Variants in ATP6V1D observed in about 807,000 individuals in gnomAD.
The protein encoded by ATP6V1D is V-type proton ATPase subunit D.
A neutral mutation model predicts 39.4 loss-of-function variants in ATP6V1D; 20 were observed. The observed-to-expected ratio is 0.51, with a 90% CI of 0.36 to 0.74. The LOEUF is 0.74. Ranked by LOEUF, ATP6V1D falls within the 30% of genes least tolerant of loss-of-function variation. The probability of loss-of-function intolerance (pLI) is 0.00; values close to 1 mark genes in which losing one functional copy is unlikely to be tolerated. For missense variants in ATP6V1D, 228 were observed against 291.6 expected, an observed-to-expected ratio of 0.78 and a Z score of 1.59; for synonymous variants, 100 against 100.5, an observed-to-expected ratio of 0.99 and a Z score of 0.03.
chr14:67,338,652 T>A lies in ATP6V1D; in HGVS notation c.713A>T (p.Glu238Val). The A allele has an allele frequency of 6.2e-7, 1 of 1,614,144 alleles. No homozygotes were observed. Among genetic ancestry groups the A allele is most frequent in the Non-Finnish European group, 8.5e-7 (1 of 1,179,990 alleles). ...AAATAGAAGATCCTCGTCCTTCTCT[T>A]CAGCCAGAAGATTAGCAGGCTCCAA... is the stretch of plus-strand genomic sequence containing the variant. ...EVLEPANLLA[E>V]EKDEDLLFE The change falls in exon 9 of 9, where the codon GAA becomes GTA. Residue 238 changes from glutamate to valine, a missense_variant. Physicochemically the swap from Glu to Val is moderately radical, Grantham distance 121. Coordinates refer to ENST00000216442, the MANE Select transcript of ATP6V1D (RefSeq NM_015994.4).
chr14:67,345,429 T>G (rs1455279266), intron 6 of ATP6V1D, among the ~76,000 whole-genome samples: 1 of 151,470 alleles, frequency 6.6e-6, no homozygotes, highest in Admixed American at 6.6e-5. Flanking sequence ...TGGTGGCACA[T>G]GTCTGTAATC....
Position 67,338,482 on chromosome 14 carries a change from T to C in ATP6V1D, c.*139A>G, listed in dbSNP as rs2085556151. 1.1e-6 allele frequency: 1 copy of C among 928,794 alleles called. No individual in the cohort carries two copies. The highest frequency in any genetic ancestry group is 1.6e-6 in the Non-Finnish European group (1 of 624,220). 57.5% of individuals were successfully genotyped at this position (928,794 alleles called of 1,614,324 possible). ...TTATGATTCTGCAAAAGTAATCCCA[T>C]AAATAGACATCTAGGTAAATTTTAC... On this transcript the variant is annotated 3_prime_UTR_variant, in exon 9 of 9. Transcript: ENST00000216442.
intron 1 of ATP6V1D, among the ~76,000 whole-genome samples, chr14:67,356,169 C>G (rs1213106842): frequency 6.6e-6 from 1 of 151,980 alleles, no homozygotes; most frequent in African/African-American, 2.4e-5. Context: ...CCTGTAATAC[C>G]AACACTTTGG....
rs546819501 is a variant in ATP6V1D at position 67,350,673 on chromosome 14, G to A, written c.177C>T (p.Gly59=). 8 of 1,613,042 alleles carry A rather than the reference G, an allele frequency of 5.0e-6. No homozygotes were observed. The highest frequency in any genetic ancestry group is 2.2e-5 in the South Asian group (2 of 90,968). The change falls in exon 3 of 9, where the codon GGC becomes GGT. Residue 59 remains glycine, a synonymous_variant. Coordinates refer to ENST00000216442, the MANE Select transcript of ATP6V1D (RefSeq NM_015994.4). ...AAAAGGCAGCTTCTCTCATCACTTC[G>A]CCCATCAACATTTTAGTCTGGAAAA... ...KKIIETKMLM[G]EVMREAAFSL...
At chr14:67,356,434 C>CAAAAAA (rs11323157) in intron 1 of ATP6V1D, among the ~76,000 whole-genome samples, 5 of 129,776 alleles carry the variant, frequency 3.9e-5, no homozygotes, top group East Asian at 2.1e-4. Context: ...AAAACAAAAA[C>CAAAAAA]AAAAAAAAAA....
At chr14:67,350,767 A>C (rs1209133031) in intron 2 of ATP6V1D, 77 bp from the exon 3 acceptor site, 1 of 1,343,368 alleles carries the variant, frequency 7.4e-7, no homozygotes, top group East Asian at 2.4e-5. Context: ...ATGTTCCTTT[A>C]ATAACCATCA....
intron 1 of ATP6V1D, among the ~76,000 whole-genome samples, chr14:67,359,344 T>C (rs577488789): frequency 6.6e-6 from 1 of 152,298 alleles, no homozygotes; most frequent in African/African-American, 2.4e-5. Context: ...GTTATATAAA[T>C]CCAGTGCCCG....
intron 1 of ATP6V1D, 108 bp downstream of exon 1, chr14:67,359,550 C>T: frequency 7.8e-7 from 1 of 1,287,610 alleles, no homozygotes; most frequent in Admixed American, 2.0e-5. Context: ...GGGAAAAGCT[C>T]AGGATCCTCC....
chr14:67,358,441 A>C (rs1215859094), intron 1 of ATP6V1D, among the ~76,000 whole-genome samples: 3 of 152,242 alleles, frequency 2.0e-5, no homozygotes, highest in Non-Finnish European at 4.4e-5. Context: ...CTCAAAGGAC[A>C]GAATGAGGAA....
intron 7 of ATP6V1D, among the ~76,000 whole-genome samples, chr14:67,342,213 TAAAATAAAA>T (rs2085589775): frequency 8.3e-6 from 1 of 119,834 alleles, no homozygotes; most frequent in South Asian, 2.4e-4. Context: ...AATAAATAAA[TAAAATAAAA>T]TAAAAAAAAA....
At chr14:67,348,224 G>A (rs758332482) in intron 4 of ATP6V1D, among the ~76,000 whole-genome samples, 6 of 151,992 alleles carry the variant, frequency 3.9e-5, no homozygotes, top group Admixed American at 3.3e-4. Context: ...ACAGGCATGC[G>A]CTACCACGTC....
rs902575451 is a variant in ATP6V1D, at chr14:67,353,105, C to T, written c.42-65G>A. On this transcript the variant is annotated intron_variant, in intron 1 of 8. Transcript: ENST00000216442. Reference sequence around the variant, plus strand: ...TGTTTAAAAGACAAAAAAAACCCTCCCCACCAGTGTTAAAATTATCCTTTA... The same window carrying T: ...TGTTTAAAAGACAAAAAAAACCCTCTCCACCAGTGTTAAAATTATCCTTTA... 1.0e-4 allele frequency: 128 copies of T among 1,236,620 alleles called. No individual in the cohort carries two copies. In the African/African-American group the frequency reaches 1.7e-3, roughly 17 times the overall value. The allele number at this position is 1,236,620 out of a possible 1,614,324, so 76.6% of individuals were successfully genotyped here. A position where few individuals can be genotyped will look rare whatever the true frequency, so the allele number is the denominator to read the frequency against.
chr14:67,350,167 A>G (rs1253146993), intron 3 of ATP6V1D, among the ~76,000 whole-genome samples: 1 of 152,238 alleles, frequency 6.6e-6, no homozygotes, highest in Non-Finnish European at 1.5e-5. Flanking sequence ...CATGCCTTTT[A>G]AATAATCCAA....
intron 3 of ATP6V1D, among the ~76,000 whole-genome samples, chr14:67,349,690 A>G (rs890296736): frequency 6.6e-6 from 1 of 152,184 alleles, no homozygotes; most frequent in African/African-American, 2.4e-5. Context: ...CCAGTCTCAT[A>G]ACCCAATCTC....
At chr14:67,350,162 C>T (rs573252023) in intron 3 of ATP6V1D, among the ~76,000 whole-genome samples, 4 of 152,142 alleles carry the variant, frequency 2.6e-5, no homozygotes, top group Non-Finnish European at 5.9e-5. Context: ...AAGTTCATGC[C>T]TTTTAAATAA....
In ATP6V1D at chr14:67,340,493, A is replaced by G. The variant is rs750560569; in HGVS notation, c.549T>C (p.Thr183=). The G allele has an allele frequency of 6.2e-7, 1 of 1,613,238 alleles. No individual in the cohort carries two copies. Among genetic ancestry groups the G allele is most frequent in the Admixed American group, 1.7e-5 (1 of 59,972 alleles). Residue 183 remains threonine, a synonymous_variant, in exon 8 of 9, where the codon ACT becomes ACC. Transcript: ENST00000216442. The part of the protein sequence containing the change: ...EHVIIPRIER[T]LAYIITELDE... ...CCAGCTCTGTGATGATATAAGCAAGAGTACGTTCAATCCGGGGAATGATGA... is the reference window on the plus strand; with the variant it reads ...CCAGCTCTGTGATGATATAAGCAAGGGTACGTTCAATCCGGGGAATGATGA...
chr14:67,350,389 G>A (rs1440876360), intron 3 of ATP6V1D, among the ~76,000 whole-genome samples: 1 of 152,136 alleles, frequency 6.6e-6, no homozygotes, highest in Non-Finnish European at 1.5e-5. Context: ...AAATGAAAAT[G>A]GACTCTAAAA....
intron 1 of ATP6V1D, among the ~76,000 whole-genome samples, chr14:67,356,497 C>A (rs541436477): frequency 6.6e-6 from 1 of 151,442 alleles, no homozygotes; most frequent in Admixed American, 6.6e-5. Context: ...ATACTGGAAT[C>A]TTTTACCATA....
Position 67,338,453 on chromosome 14 carries a change from TA to T in ATP6V1D, c.*167del. 1.4e-6 allele frequency: 1 copy of T among 714,036 alleles called. No individual in the cohort carries two copies. Among genetic ancestry groups the T allele is most frequent in the Non-Finnish European group, 2.2e-6 (1 of 449,418 alleles). The allele number at this position is 714,036 out of a possible 1,614,324, so 44.2% of individuals were successfully genotyped here. ...TCTTTCATCCATGATAAATGGTTGC[TA>T]AATTATGATTCTGCAAAAGTAATCC... is the stretch of plus-strand genomic sequence containing the variant. On this transcript the variant is annotated 3_prime_UTR_variant, in exon 9 of 9. Transcript: ENST00000216442.
Sources: gnomAD v4.1 joint callset for allele counts (sites outside exome capture counted in the v4.1 genomes callset) on GRCh38, gnomAD v4.1.1 for gene constraint, MANE v1.5 for transcripts, NCBI Gene and HGNC (gene_info 2026-07-23, HGNC 2026-07-21) for gene names.